Variants in EFNA4 observed in about 807,000 individuals in gnomAD.
EFNA4 encodes the protein ephrin A4.
EFNA4 carries 22 observed loss-of-function variants against 23.7 expected under a neutral mutation model. That is an observed-to-expected ratio of 0.93 (90% CI 0.66 to 1.32). EFNA4 has a LOEUF of 1.32. Among genes scored for constraint, EFNA4 ranks in the 40% most tolerant of loss-of-function variants. The probability of loss-of-function intolerance (pLI) is 0.00; values close to 1 mark genes in which losing one functional copy is unlikely to be tolerated. For missense variants in EFNA4, 252 were observed against 252.3 expected (o/e 1.00, Z 0.01); for synonymous variants, 113 against 108.3 (o/e 1.04, Z -0.27).
intron 1 of EFNA4, among the ~76,000 whole-genome samples, chr1:155,065,534 T>C (rs937247724): frequency 6.6e-6 from 1 of 150,666 alleles, no homozygotes; most frequent in African/African-American, 2.4e-5. Context: ...TTCTTTTTTT[T>C]TTTTTTTTTT....
chr1:155,065,172 G>T (rs949476358), intron 1 of EFNA4, among the ~76,000 whole-genome samples: 1 of 152,164 alleles, frequency 6.6e-6, no homozygotes, highest in Non-Finnish European at 1.5e-5. Context: ...ACTTACCAAG[G>T]CCCTGTCCTT....
Position 155,063,904 on chromosome 1 carries a change from C to T in EFNA4, c.81C>T (p.Arg27=), listed in dbSNP as rs1348498880. ...GSPLRGGSSL[R]HVVYWNSSNP... The stretch of plus-strand genomic sequence containing the variant: ...CTCTGCGCGGGGGCTCCAGCCTCCG[C>T]CACGTAGTCTACTGGAACTCCAGTA... The change falls in exon 1 of 4, where the codon CGC becomes CGT. Residue 27 remains arginine, a synonymous_variant. Coordinates refer to ENST00000368409, the MANE Select transcript of EFNA4 (RefSeq NM_005227.3). The surrounding 1 kb of genome is among the most constrained non-coding windows in gnomAD (Gnocchi z 4.1). 3.2e-6 allele frequency: 5 copies of T among 1,568,168 alleles called. No homozygotes were observed. Among genetic ancestry groups the T allele is most frequent in the Non-Finnish European group, 4.3e-6 (5 of 1,158,488 alleles).
intron 1 of EFNA4, among the ~76,000 whole-genome samples, chr1:155,065,138 G>A (rs1303443268): frequency 6.6e-6 from 1 of 152,184 alleles, no homozygotes; most frequent in Non-Finnish European, 1.5e-5. Flanking sequence ...ACTTTTCCAG[G>A]CACGGGGGAT....
In EFNA4 at chr1:155,069,206, A is replaced by G; in HGVS notation, c.*217A>G. 1 of 1,567,620 alleles carries G rather than the reference A, an allele frequency of 6.4e-7. No individual in the cohort carries two copies. The highest frequency in any genetic ancestry group is 8.6e-7 in the Non-Finnish European group (1 of 1,165,932). ...CAGTAGACAGCCCTGGACACTCTGAAGCAGAGGCAAGACAAACACAGGCGC... is the reference window on the plus strand; with the variant it reads ...CAGTAGACAGCCCTGGACACTCTGAGGCAGAGGCAAGACAAACACAGGCGC... On this transcript the variant is annotated 3_prime_UTR_variant, in exon 4 of 4. Transcript: ENST00000368409.
chr1:155,067,513 T>TCTCCTC, intron 3 of EFNA4, 73 bp downstream of exon 3: 1 of 1,540,668 alleles, frequency 6.5e-7, no homozygotes, highest in Non-Finnish European at 9.0e-7. Flanking sequence ...GTGAGAAGAA[T>TCTCCTC]CTAGGAGGAT....
chr1:155,066,692 C>A, intron 1 of EFNA4, 38 bp from the exon 2 acceptor site: 1 of 1,528,656 alleles, frequency 6.5e-7, no homozygotes. Flanking sequence ...GGCGTGGTGC[C>A]CTCCACTCCT....
intron 1 of EFNA4, among the ~76,000 whole-genome samples, chr1:155,065,978 C>T (rs1210827663): frequency 9.2e-5 from 14 of 152,046 alleles, no homozygotes; most frequent in Non-Finnish European, 1.5e-4. Context: ...CCTCATGATC[C>T]GCCCGCCTCA....
chr1:155,064,633 A>T (rs1210441039), intron 1 of EFNA4, among the ~76,000 whole-genome samples: 4 of 152,064 alleles, frequency 2.6e-5, no homozygotes, highest in Non-Finnish European at 5.9e-5. Flanking sequence ...CTCTCTCCTG[A>T]GCTGCCTGCC....
intron 1 of EFNA4, among the ~76,000 whole-genome samples, chr1:155,066,013 A>G (rs932364838): frequency 4.2e-4 from 64 of 151,996 alleles, no homozygotes; most frequent in Middle Eastern, 3.4e-3. Context: ...TGGGATTACA[A>G]GCGTGAGCCA....
At chr1:155,064,560 GGTAA>G (rs1376344472) in intron 1 of EFNA4, among the ~76,000 whole-genome samples, 1 of 152,106 alleles carries the variant, frequency 6.6e-6, no homozygotes, top group African/African-American at 2.4e-5. Flanking sequence ...AGTCTGGCAG[GGTAA>G]GTGAGGTCAT....
chr1:155,067,890 AG>A (rs999283363), intron 3 of EFNA4, among the ~76,000 whole-genome samples: 4 of 150,544 alleles, frequency 2.7e-5, no homozygotes, highest in Non-Finnish European at 5.9e-5. Flanking sequence ...CAAAGTGCTG[AG>A]ATTACAGGCA....
chr1:155,064,410 C>CT (rs1346808827), intron 1 of EFNA4, among the ~76,000 whole-genome samples: 1 of 152,232 alleles, frequency 6.6e-6, no homozygotes, highest in Non-Finnish European at 1.5e-5. Flanking sequence ...GCTTTCATCT[C>CT]TGTCTTTATT....
chr1:155,067,924 C>A (rs1663091154), intron 3 of EFNA4, among the ~76,000 whole-genome samples: 1 of 150,472 alleles, frequency 6.6e-6, no homozygotes, highest in South Asian at 2.1e-4. Flanking sequence ...CCCAGCTCCC[C>A]CACTTCTTTT....
chr1:155,067,137 T>C (rs1663072381), intron 2 of EFNA4, 121 bp downstream of exon 2: 3 of 1,282,536 alleles, frequency 2.3e-6, no homozygotes, highest in African/African-American at 3.0e-5. Flanking sequence ...AGGTATGGGC[T>C]GAACTCAGGA....
intron 1 of EFNA4, among the ~76,000 whole-genome samples, chr1:155,065,695 A>G (rs1663005822): frequency 7.2e-6 from 1 of 138,252 alleles, no homozygotes; most frequent in African/African-American, 2.7e-5. Flanking sequence ...ACCACCACTC[A>G]TGGCCTTTAT....
At position 155,067,442 on chromosome 1, in the gene EFNA4, T is replaced by TA. The variant is rs1663079231; in HGVS notation, c.469+4dup. On this transcript the variant is annotated splice_region_variant and intron_variant, in intron 3 of 3. Coordinates refer to ENST00000368409, the MANE Select transcript of EFNA4 (RefSeq NM_005227.3). ...TGTCTGTCTGCTGCAAGGAGAGGAGTAAGTGGGTTGGGAGCATGGACCCTA... is the reference window on the plus strand; with the variant it reads ...TGTCTGTCTGCTGCAAGGAGAGGAGTAAAGTGGGTTGGGAGCATGGACCCTA... The TA allele has an allele frequency of 6.2e-7, 1 of 1,613,466 alleles. No individual in the cohort carries two copies. Among genetic ancestry groups the TA allele is most frequent in the South Asian group, 1.1e-5 (1 of 91,058 alleles).
rs564154038 is a variant in EFNA4 at position 155,064,061 on chromosome 1, T to A, written c.113+125T>A. ...GGCCGCGCGCCGGGGCTCCTTTGTT[T>A]GAGCCGGCGGGGGAGGGGGGAGGGG... On this transcript the variant is annotated intron_variant, in intron 1 of 3. Coordinates refer to ENST00000368409, the MANE Select transcript of EFNA4 (RefSeq NM_005227.3). The A allele has an allele frequency of 5.7e-3, 1,747 of 308,752 alleles. 12 individuals carry two copies. Among genetic ancestry groups the A allele is most frequent in the Middle Eastern group, 7.2e-3 (6 of 836 alleles). 19.1% of individuals were successfully genotyped at this position (308,752 alleles called of 1,614,324 possible). A position where few individuals can be genotyped will look rare whatever the true frequency, so the allele number is the denominator to read the frequency against.
In EFNA4 at chr1:155,066,954, AGC is replaced by A; in HGVS notation, c.341_342del (p.Arg114LeufsTer9). On this transcript the variant is annotated frameshift_variant, in exon 2 of 4. Coordinates refer to ENST00000368409, the MANE Select transcript of EFNA4 (RefSeq NM_005227.3). LOFTEE classifies it high-confidence loss of function. ...CATGTTCAATTCTCAGAGAAGATTC[AGC>A]GCTTCACACCCTTCTCCCTCGGCTT... The A allele has an allele frequency of 1.9e-6, 3 of 1,614,092 alleles. No individual in the cohort carries two copies. The highest frequency in any genetic ancestry group is 2.5e-6 in the Non-Finnish European group (3 of 1,180,018).
In EFNA4 at chr1:155,069,420, C is replaced by T; in HGVS notation, c.*431C>T. ...TTTCCCTGGGGCAGCACCTTGCCCT[C>T]CCCAGGGGATCACTCACTTGTCTTC... On this transcript the variant is annotated 3_prime_UTR_variant, in exon 4 of 4. Transcript: ENST00000368409. The T allele has an allele frequency of 2.1e-6, 1 of 485,126 alleles. No homozygotes were observed. Among genetic ancestry groups the T allele is most frequent in the Non-Finnish European group, 3.6e-6 (1 of 277,744 alleles). The allele number at this position is 485,126 out of a possible 1,614,324, so 30.1% of individuals were successfully genotyped here.
Sources: gnomAD v4.1 joint callset for allele counts (sites outside exome capture counted in the v4.1 genomes callset) on GRCh38, gnomAD v4.1.1 for gene constraint, Gnocchi (gnomAD v3.1) non-coding constraint, MANE v1.5 for transcripts, NCBI Gene and HGNC (gene_info 2026-07-23, HGNC 2026-07-21) for gene names.